Variants in UQCRC1 observed in about 807,000 individuals in gnomAD.
UQCRC1 encodes ubiquinol-cytochrome c reductase core protein 1.
UQCRC1 carries 34 observed loss-of-function variants against 58.0 expected under a neutral mutation model. The observed-to-expected ratio is 0.59, with a 90% CI of 0.45 to 0.78. The LOEUF (loss-of-function observed/expected upper bound fraction) is 0.78. UQCRC1 is among the 30% of genes least tolerant of loss of function. The pLI is 0.00. For synonymous variants in UQCRC1, 276 were observed against 248.8 expected (o/e 1.11, Z -1.03); for missense variants, 610 against 646.0 (o/e 0.94, Z 0.60).
rs140047536 is a variant in UQCRC1 at position 48,601,412 on chromosome 3, T to C, written c.762A>G (p.Pro254=). Residue 254 remains proline (P), a synonymous_variant, in exon 7 of 13, where the codon CCA becomes CCG. Coordinates refer to ENST00000203407, the MANE Select transcript of UQCRC1 (RefSeq NM_003365.3). ...GCACAGCGTCCTCTGCATATGTCCA[T>C]GGGATGCCACCGAGGTGCTTCTGGG... is the stretch of plus-strand genomic sequence containing the variant. ...DLAQKHLGGI[P]WTYAEDAVPT... is the part of the protein sequence containing the mutation. 35 of 1,614,036 alleles carry C rather than the reference T, an allele frequency of 2.2e-5. No homozygotes were observed. In the African/African-American group the frequency reaches 3.6e-4, roughly 17 times the overall value.
chr3:48,602,847 G>A (rs1054609118), intron 6 of UQCRC1, among the ~76,000 whole-genome samples: 2 of 152,038 alleles, frequency 1.3e-5, no homozygotes, highest in Non-Finnish European at 2.9e-5. Context: ...CTTGACCTCA[G>A]TTCCTTACCC....
At chr3:48,603,364 T>C (rs957568329) in intron 6 of UQCRC1, among the ~76,000 whole-genome samples, 200 bp downstream of exon 6, 1 of 152,192 alleles carries the variant, frequency 6.6e-6, no homozygotes, top group African/African-American at 2.4e-5. Context: ...GCATCCTGTG[T>C]AACCAGTCCC....
chr3:48,600,581 G>C lies in UQCRC1; in HGVS notation c.1128-14C>G, dbSNP rs1559455627. 6 of 1,614,064 alleles carry C rather than the reference G, an allele frequency of 3.7e-6. No homozygotes were observed. The highest frequency in any genetic ancestry group is 5.1e-6 in the Non-Finnish European group (6 of 1,179,988). On this transcript the variant is annotated splice_polypyrimidine_tract_variant and intron_variant, in intron 9 of 12. Coordinates refer to ENST00000203407, the MANE Select transcript of UQCRC1 (RefSeq NM_003365.3). Reference sequence around the variant, plus strand: ...CACAGGCGCATCCTAAAGTGGGGGGGTGGGTGGTATTCATTCTGAGCCAGT... The same window carrying C: ...CACAGGCGCATCCTAAAGTGGGGGGCTGGGTGGTATTCATTCTGAGCCAGT...
chr3:48,600,427 G>A, intron 10 of UQCRC1, 55 bp downstream of exon 10: 2 of 1,602,834 alleles, frequency 1.2e-6, no homozygotes, highest in South Asian at 1.1e-5. Context: ...GGCCACCTTG[G>A]TGCTGTCGCT....
At chr3:48,600,457 C>T in intron 10 of UQCRC1, 25 bp downstream of exon 10, 1 of 1,613,724 alleles carries the variant, frequency 6.2e-7, no homozygotes, top group Middle Eastern at 1.7e-4. Context: ...TACTCTACCC[C>T]TCCCCGCTGA....
At chr3:48,605,934 A>C in intron 2 of UQCRC1, 78 bp from the exon 3 acceptor site, 1 of 1,391,428 alleles carries the variant, frequency 7.2e-7, no homozygotes, top group Admixed American at 2.1e-5. Flanking sequence ...TGAGTGACTC[A>C]GTACAAGCCC....
intron 12 of UQCRC1, 39 bp downstream of exon 12, chr3:48,599,596 G>A: frequency 6.2e-7 from 1 of 1,608,572 alleles, no homozygotes; most frequent in South Asian, 1.1e-5. Flanking sequence ...AGAACGGCCT[G>A]AGGAAATAAA....
At chr3:48,605,919 C>T (rs2046406967) in intron 2 of UQCRC1, 63 bp from the exon 3 acceptor site, 18 of 1,514,490 alleles carry the variant, frequency 1.2e-5, no homozygotes, top group Non-Finnish European at 1.6e-5. Context: ...TACTCACACC[C>T]CACCTGAGTG....
chr3:48,600,397 C>G, intron 10 of UQCRC1, 85 bp downstream of exon 10: 2 of 1,542,958 alleles, frequency 1.3e-6, no homozygotes, highest in Non-Finnish European at 1.8e-6. Flanking sequence ...CCTTTCTAAC[C>G]TTGGTTAGTT....
chr3:48,602,143 C>T (rs190165875), intron 6 of UQCRC1, among the ~76,000 whole-genome samples: 3 of 152,012 alleles, frequency 2.0e-5, no homozygotes, highest in African/African-American at 4.8e-5. Context: ...CTCCACCTCC[C>T]GGGTCCACGC....
rs150365674 is a variant in UQCRC1 at position 48,601,082 on chromosome 3, C to T, written c.859G>A (p.Val287Met). The change falls in exon 8 of 13, where the codon GTG becomes ATG. Residue 287 changes from valine (V) to methionine (M), a missense_variant. By Grantham distance (21) the Val-to-Met change is conservative. Coordinates refer to ENST00000203407, the MANE Select transcript of UQCRC1 (RefSeq NM_003365.3). The stretch of plus-strand genomic sequence containing the variant: ...CCAGGACCCTCTACTGCAATGGCCA[C>T]GTGGGCAAAAGGTAGAGCATCATCA... ...HRDDALPFAH[V>M]AIAVEGPGWA... The T allele has an allele frequency of 3.7e-5, 60 of 1,607,292 alleles. No homozygotes were observed. Among genetic ancestry groups the T allele is most frequent in the Non-Finnish European group, 4.7e-5 (55 of 1,174,534 alleles).
rs1373560890 is a variant in UQCRC1 at position 48,599,163 on chromosome 3, G to A, written c.1408C>T (p.Arg470Trp). ...GPIEQLPDYN[R>W]IRSGMFWLRF ...AGCCAGAACATGCCGCTACGGATCC[G>A]GTTGTAGTCTGGGAGCTGCTCAATG... Residue 470 changes from arginine (R) to tryptophan (W), a missense_variant, in exon 13 of 13, where the codon CGG becomes TGG. Transcript: ENST00000203407. 15 of 1,610,604 alleles carry A rather than the reference G, an allele frequency of 9.3e-6. No individual in the cohort carries two copies. The highest frequency in any genetic ancestry group is 2.7e-5 in the African/African-American group (2 of 74,872).
chr3:48,607,369 G>A (rs1409379995), intron 2 of UQCRC1, among the ~76,000 whole-genome samples: 2 of 152,082 alleles, frequency 1.3e-5, no homozygotes, highest in African/African-American at 4.8e-5. Flanking sequence ...TAGAGGCGGG[G>A]TTTCACCATG....
chr3:48,603,420 G>A (rs2046383345), intron 6 of UQCRC1, 144 bp downstream of exon 6: 7 of 740,664 alleles, frequency 9.5e-6, no homozygotes, highest in Non-Finnish European at 1.6e-5. Flanking sequence ...AGAGAGCACA[G>A]GAGGAAGGTC....
rs769510254 is a variant in UQCRC1 at position 48,600,712 on chromosome 3, G to T, written c.1095C>A (p.Ile365=). The T allele has an allele frequency of 1.2e-6, 2 of 1,614,156 alleles. No individual in the cohort carries two copies. The highest frequency in any genetic ancestry group is 8.5e-7 in the Non-Finnish European group (1 of 1,180,044). ...CTTGCAGGACGAACATCATGTCATC[G>T]ATTTTCATTCGGTCACAGACAAAGT... The part of the protein sequence containing the change: ...GAHFVCDRMK[I]DDMMFVLQGQ... Residue 365 remains isoleucine (I), a synonymous_variant, in exon 9 of 13, where the codon ATC becomes ATA. Coordinates refer to ENST00000203407, the MANE Select transcript of UQCRC1 (RefSeq NM_003365.3).
At chr3:48,605,694 AT>A in intron 3 of UQCRC1, 75 bp downstream of exon 3, 6 of 1,468,900 alleles carry the variant, frequency 4.1e-6, no homozygotes, top group Non-Finnish European at 5.6e-6. Context: ...AATCAGGCTA[AT>A]TTTTCTGACC....
chr3:48,606,783 C>T (rs1463824091), intron 2 of UQCRC1, among the ~76,000 whole-genome samples: 1 of 151,762 alleles, frequency 6.6e-6, no homozygotes, highest in Non-Finnish European at 1.5e-5. Flanking sequence ...TACCACTCAC[C>T]CCACTTGGTC....
intron 12 of UQCRC1, 183 bp downstream of exon 12, chr3:48,599,452 G>C (rs1186561732): frequency 1.4e-5 from 10 of 720,134 alleles, no homozygotes; most frequent in Non-Finnish European, 2.3e-5. Flanking sequence ...GGCAGTCAAG[G>C]AACTGCTGGG....
chr3:48,600,733 A>C lies in UQCRC1; in HGVS notation c.1074T>G (p.Phe358Leu). 1 of 1,614,188 alleles carries C rather than the reference A, an allele frequency of 6.2e-7. No homozygotes were observed. The highest frequency in any genetic ancestry group is 1.3e-5 in the African/African-American group (1 of 75,068). ...YAETGLLGAH[F>L]VCDRMKIDDM... ...CATCGATTTTCATTCGGTCACAGAC[A>C]AAGTGTGCACCCAGCAAGCCCGTCT... The change falls in exon 9 of 13, where the codon TTT becomes TTG. Residue 358 changes from phenylalanine (F) to leucine (L), a missense_variant. Phe to Leu is a conservative substitution (Grantham distance 22). Coordinates refer to ENST00000203407, the MANE Select transcript of UQCRC1 (RefSeq NM_003365.3).
Sources: gnomAD v4.1 joint callset for allele counts (sites outside exome capture counted in the v4.1 genomes callset) on GRCh38, gnomAD v4.1.1 for gene constraint, MANE v1.5 for transcripts, NCBI Gene and HGNC (gene_info 2026-07-23, HGNC 2026-07-21) for gene names.